The following MYO5A variants were observed in gnomAD, a reference collection of about 807,000 sequenced individuals.
MYO5A encodes the protein unconventional myosin-Va.
In MYO5A, 98 loss-of-function variants were observed where a neutral mutation model predicts 249.7. The observed-to-expected ratio is 0.39, with a 90% CI of 0.33 to 0.46. The LOEUF (loss-of-function observed/expected upper bound fraction) is 0.46. Ranked by LOEUF, MYO5A falls within the 20% of genes least tolerant of loss-of-function variation. The pLI is 0.98. For synonymous variants in MYO5A, 778 were observed against 810.6 expected (o/e 0.96, Z 0.68); for missense variants, 1,696 against 2,308.8 (o/e 0.73, Z 5.44).
chr15:52,474,830 G>C (rs1164282575), intron 1 of MYO5A, among the ~76,000 whole-genome samples: 1 of 152,260 alleles, frequency 6.6e-6, no homozygotes, highest in East Asian at 1.9e-4. Flanking sequence ...TGTTCATCAG[G>C]GATATTGGCC....
At chr15:52,439,982 A>T (rs757922557) in intron 1 of MYO5A, among the ~76,000 whole-genome samples, 4 of 152,280 alleles carry the variant, frequency 2.6e-5, no homozygotes, top group Non-Finnish European at 5.9e-5. Flanking sequence ...TGAGAAAATA[A>T]TGCTAGCACA....
chr15:52,332,852 C>A (rs750761709), intron 34 of MYO5A, among the ~76,000 whole-genome samples: 19 of 152,234 alleles, frequency 1.2e-4, no homozygotes, highest in Non-Finnish European at 5.9e-5. Context: ...GTAATCCCAG[C>A]TACTTGGGAG....
intron 13 of MYO5A, among the ~76,000 whole-genome samples, chr15:52,388,763 T>C (rs1049438609): frequency 3.3e-5 from 5 of 152,200 alleles, no homozygotes; most frequent in African/African-American, 1.2e-4. Flanking sequence ...TCTGAAACCC[T>C]TGAGATCAGC....
chr15:52,415,445 T>C (rs1333773280), intron 5 of MYO5A, among the ~76,000 whole-genome samples: 1 of 152,222 alleles, frequency 6.6e-6, no homozygotes, highest in African/African-American at 2.4e-5. Context: ...GGCACAGGCA[T>C]TTCTACTTTG....
intron 1 of MYO5A, 134 bp from the exon 2 acceptor site, chr15:52,433,419 T>TTG (rs1328095296): frequency 3.5e-5 from 12 of 339,444 alleles, no homozygotes; most frequent in Admixed American, 5.5e-5. Context: ...TTCACTTTTT[T>TTG]TTTTTTTTTT....
chr15:52,344,226 C>T (rs2039510977), intron 30 of MYO5A, among the ~76,000 whole-genome samples: 1 of 152,170 alleles, frequency 6.6e-6, no homozygotes, highest in South Asian at 2.1e-4. Context: ...TATTATTATA[C>T]TCTGATGACT....
Position 52,397,323 on chromosome 15 carries a change from G to C in MYO5A, c.1197C>G (p.Ala399=). 1 of 1,614,068 alleles carries C rather than the reference G, an allele frequency of 6.2e-7. No homozygotes were observed. The change falls in exon 10 of 42, where the codon GCC becomes GCG. Residue 399 remains alanine, a synonymous_variant. Transcript: ENST00000399233. ...AGATGTGCTTGGCCAAAGCATCGCG[G>C]GCATTCGTGGCCTGCAGCTTGGAGA... ...KPISKLQATN[A]RDALAKHIYA...
chr15:52,406,687 T>C (rs2043018281), intron 8 of MYO5A, among the ~76,000 whole-genome samples: 1 of 152,176 alleles, frequency 6.6e-6, no homozygotes, highest in South Asian at 2.1e-4. Flanking sequence ...TAAAGATTAA[T>C]TTATTCACAT....
chr15:52,350,831 T>G (rs1162397036), intron 28 of MYO5A, among the ~76,000 whole-genome samples: 1 of 152,222 alleles, frequency 6.6e-6, no homozygotes, highest in Admixed American at 6.5e-5. Context: ...TTCCACTCAC[T>G]GATGTCACTT....
intron 24 of MYO5A, among the ~76,000 whole-genome samples, chr15:52,363,439 C>A (rs2040640152): frequency 2.6e-5 from 4 of 152,120 alleles, no homozygotes; most frequent in Admixed American, 2.0e-4. Context: ...AAATAATGGT[C>A]CAATGTGGGA....
chr15:52,512,232 G>A (rs2077406842), intron 1 of MYO5A, among the ~76,000 whole-genome samples: 1 of 151,412 alleles, frequency 6.6e-6, no homozygotes, highest in South Asian at 2.1e-4. Flanking sequence ...GTAGAAAAAT[G>A]GGATATTTTG....
intron 6 of MYO5A, among the ~76,000 whole-genome samples, chr15:52,409,509 C>A (rs2043153080): frequency 6.6e-6 from 1 of 152,186 alleles, no homozygotes; most frequent in African/African-American, 2.4e-5. Context: ...AAGTCAAAGC[C>A]AGAGCAACTT....
rs542839988 is a variant in MYO5A, at chr15:52,344,811, C to T, written c.3959+1550G>A. 3.8e-4 allele frequency among the ~76,000 whole-genome samples: 58 copies of T among 152,298 alleles called. 1 individual carries two copies. The South Asian group carries it at 0.01, about 27-fold the overall frequency. Reference sequence around the variant, plus strand: ...CTATAATCTCAGTGAGAGTAGGAACCGCATTTATCTTGCTTATTACTGTAT... The same window carrying T: ...CTATAATCTCAGTGAGAGTAGGAACTGCATTTATCTTGCTTATTACTGTAT... On this transcript the variant is annotated intron_variant, in intron 30 of 41. Coordinates refer to ENST00000399233, the MANE Select transcript of MYO5A (RefSeq NM_001382347.1).
chr15:52,510,870 A>G (rs147017985), intron 1 of MYO5A, among the ~76,000 whole-genome samples: 26 of 152,368 alleles, frequency 1.7e-4, no homozygotes, highest in African/African-American at 6.0e-4. Context: ...GATTTGTGAA[A>G]CAGTCACTGA....
intron 20 of MYO5A, 75 bp downstream of exon 20, chr15:52,375,229 G>A (rs1384480585): frequency 6.8e-7 from 1 of 1,469,788 alleles, no homozygotes; most frequent in Non-Finnish European, 9.5e-7. Context: ...TGTAGCCCCT[G>A]TGGTACTCTG....
In MYO5A at chr15:52,422,538, A is replaced by G. The variant is rs1430216500; in HGVS notation, c.455+3292T>C. Among the ~76,000 whole-genome samples, 3 of 152,090 alleles carry G rather than the reference A, an allele frequency of 2.0e-5. No homozygotes were observed. In the East Asian group the frequency reaches 5.8e-4, roughly 29 times the overall value. Reference sequence around the variant, plus strand: ...CTCCTCTTTTTCTCAAATACCCCATATAAGCAAGGCTTTGCCAGTTCTGTC... The same window carrying G: ...CTCCTCTTTTTCTCAAATACCCCATGTAAGCAAGGCTTTGCCAGTTCTGTC... On this transcript the variant is annotated intron_variant, in intron 4 of 41. Transcript: ENST00000399233.
intron 1 of MYO5A, among the ~76,000 whole-genome samples, chr15:52,525,943 G>A (rs1337613144): frequency 6.6e-6 from 1 of 152,324 alleles, no homozygotes; most frequent in East Asian, 1.9e-4. Flanking sequence ...GGAAAGGACT[G>A]TATCTTGTTC....
chr15:52,393,381 A>G (rs1313041173), intron 11 of MYO5A, among the ~76,000 whole-genome samples: 2 of 149,766 alleles, frequency 1.3e-5, no homozygotes, highest in East Asian at 3.9e-4. Context: ...GCTCATTTGC[A>G]GTGTTTTTTT....
intron 6 of MYO5A, among the ~76,000 whole-genome samples, chr15:52,409,123 T>G (rs552484969): frequency 6.6e-6 from 1 of 152,136 alleles, no homozygotes; most frequent in African/African-American, 2.4e-5. Flanking sequence ...GGGAAACTGC[T>G]AGAAATGGTT....
Sources: gnomAD v4.1 joint callset for allele counts (sites outside exome capture counted in the v4.1 genomes callset) on GRCh38, gnomAD v4.1.1 for gene constraint, MANE v1.5 for transcripts, NCBI Gene and HGNC (gene_info 2026-07-23, HGNC 2026-07-21) for gene names.